Variants in TENM1 observed in about 807,000 individuals in gnomAD.
TENM1 encodes teneurin transmembrane protein 1, also known as teneurin-1.
A neutral mutation model predicts 174.8 loss-of-function variants in TENM1; 35 were observed. The observed-to-expected ratio is 0.20, with a 90% confidence interval of 0.15 to 0.27. The LOEUF (loss-of-function observed/expected upper bound fraction) is 0.27. TENM1 is among the 10% of genes least tolerant of loss of function. The pLI, the probability that TENM1 is intolerant of heterozygous loss-of-function variation, is 1.00. For missense variants in TENM1, 1,633 were observed against 2,130.1 expected (o/e 0.77, Z 4.59); for synonymous variants, 781 against 798.7 (o/e 0.98, Z 0.37).
At chrX:125,133,061 T>A in the TENM1 span, among the ~76,000 whole-genome samples, 4 of 111,181 alleles carry the variant, frequency 3.6e-5, no homozygotes, top group African/African-American at 1.3e-4. Flanking sequence ...TGGCATGATC[T>A]CTGCTCACTG....
chrX:124,448,090 TG>T (rs2060985133), intron 23 of TENM1, among the ~76,000 whole-genome samples: 1 of 111,883 alleles, frequency 8.9e-6, no homozygotes, highest in South Asian at 3.7e-4. Flanking sequence ...ACCATACACA[TG>T]TTCCCTCAAT....
chrX:125,182,557 T>C, the TENM1 span, among the ~76,000 whole-genome samples: 2 of 110,105 alleles, frequency 1.8e-5, no homozygotes, highest in South Asian at 7.9e-4. Context: ...TAGGTTTTGA[T>C]ATATGAATCT....
intron 15 of TENM1, among the ~76,000 whole-genome samples, chrX:124,535,651 C>T (rs929469213): frequency 5.4e-5 from 6 of 111,877 alleles, no homozygotes; most frequent in Non-Finnish European, 7.5e-5. Flanking sequence ...TTATCATAAC[C>T]GGTCTTGGAT....
chrX:124,502,962 G>C (rs2047366833), intron 19 of TENM1, among the ~76,000 whole-genome samples: 1 of 111,570 alleles, frequency 9.0e-6, no homozygotes, highest in Non-Finnish European at 1.9e-5. Context: ...AGATCGCCTC[G>C]CCTTAACCAC....
At chrX:125,000,887 G>C in the TENM1 span, among the ~76,000 whole-genome samples, 2 of 111,009 alleles carry the variant, frequency 1.8e-5, no homozygotes, top group African/African-American at 6.5e-5. Flanking sequence ...TGACTTCTCT[G>C]GAATACAATT....
chrX:125,109,699 C>T, the TENM1 span, among the ~76,000 whole-genome samples: 2 of 111,734 alleles, frequency 1.8e-5, no homozygotes, highest in Admixed American at 9.5e-5. Context: ...TATCAGCACC[C>T]CCACCATCAT....
chrX:124,846,020 C>T (rs777511717), intron 3 of TENM1, among the ~76,000 whole-genome samples: 57 of 110,377 alleles, frequency 5.2e-4, no homozygotes, highest in Middle Eastern at 4.6e-3. Flanking sequence ...TTTCAGGCTT[C>T]GTGGCAGTAG....
chrX:125,075,830 C>T, the TENM1 span, among the ~76,000 whole-genome samples: 1 of 111,119 alleles, frequency 9.0e-6, no homozygotes, highest in East Asian at 2.9e-4. Context: ...GCCACTAATC[C>T]TCAGAGTTCC....
chrX:124,736,895 A>C (rs1387529640), intron 4 of TENM1, 62 bp downstream of exon 7: 4 of 1,135,127 alleles, frequency 3.5e-6, no homozygotes, highest in Non-Finnish European at 4.7e-6. Context: ...GAGTTTCTGC[A>C]ATCAGTAGAA....
the TENM1 span, among the ~76,000 whole-genome samples, chrX:125,070,507 G>C: frequency 9.0e-6 from 1 of 111,322 alleles, no homozygotes; most frequent in African/African-American, 3.3e-5. Flanking sequence ...TTAAGCAGGA[G>C]AGTGATCTTG....
chrX:124,644,101 G>A (rs753263383), intron 10 of TENM1, among the ~76,000 whole-genome samples: 1 of 88,585 alleles, frequency 1.1e-5, no homozygotes, highest in Non-Finnish European at 2.2e-5. Flanking sequence ...ATATATATAT[G>A]TATATGGCAG....
At chrX:124,734,087 C>T (rs1350910047) in intron 4 of TENM1, among the ~76,000 whole-genome samples, 2 of 111,638 alleles carry the variant, frequency 1.8e-5, no homozygotes, top group Admixed American at 9.5e-5. Flanking sequence ...AGAAGATATA[C>T]ATTGTTCTTT....
rs1295225361 is a variant in TENM1 at position 124,818,042 on chromosome X, AT to A, written c.535+76253del. ...ATTTACTGAGGCAGGGCTGTCACTGATTTTTTTTTTTAATTGCAATTAAAAG... is the reference window on the plus strand; with the variant it reads ...ATTTACTGAGGCAGGGCTGTCACTGATTTTTTTTTTAATTGCAATTAAAAG... On this transcript the variant is annotated intron_variant, in intron 3 of 31. Transcript: ENST00000422452. Among the ~76,000 whole-genome samples, 503 of 106,355 alleles carry A rather than the reference AT, an allele frequency of 4.7e-3. 1 individual carries two copies. Among genetic ancestry groups the A allele is most frequent in the African/African-American group, 0.014 (423 of 29,587 alleles). The allele number at this position is 106,355 out of a possible 115,157, so 92.4% of individuals were successfully genotyped here. A position where few individuals can be genotyped will look rare whatever the true frequency, so the allele number is the denominator to read the frequency against.
intron 4 of TENM1, among the ~76,000 whole-genome samples, chrX:124,727,295 G>C: frequency 8.9e-6 from 1 of 112,153 alleles, no homozygotes; most frequent in Non-Finnish European, 1.9e-5. Flanking sequence ...TTGGTAAATA[G>C]ATCATGATTA....
At chrX:125,057,305 G>C in the TENM1 span, among the ~76,000 whole-genome samples, 1 of 110,128 alleles carries the variant, frequency 9.1e-6, no homozygotes, top group Admixed American at 9.8e-5. Flanking sequence ...GGGCAGGAGA[G>C]CTTTTATTTT....
chrX:124,804,628 T>C (rs2055544427), intron 3 of TENM1, among the ~76,000 whole-genome samples: 1 of 111,921 alleles, frequency 8.9e-6, no homozygotes, highest in African/African-American at 3.2e-5. Flanking sequence ...AAATTCTTCT[T>C]CCTAAATTTT....
At chrX:124,388,284 C>T (rs753139486) in intron 28 of TENM1, among the ~76,000 whole-genome samples, 3 of 111,360 alleles carry the variant, frequency 2.7e-5, no homozygotes, top group African/African-American at 9.8e-5. Context: ...CGTTGTTATT[C>T]TCTCCTCTGT....
exon 17 of TENM1, chrX:124,523,466 A>G (rs2047900515): frequency 8.3e-7 from 1 of 1,211,758 alleles, no homozygotes; most frequent in Non-Finnish European, 1.1e-6. Context: ...AGTTGGAGAT[A>G]TCGCAGGATG....
At chrX:124,740,617 A>G (rs906968216) in intron 3 of TENM1, among the ~76,000 whole-genome samples, 1 of 111,747 alleles carries the variant, frequency 8.9e-6, no homozygotes, top group Admixed American at 9.5e-5. Context: ...ACGCTTTCAC[A>G]ATATTGGATT....
Sources: gnomAD v4.1 joint callset for allele counts (sites outside exome capture counted in the v4.1 genomes callset) on GRCh38, gnomAD v4.1.1 for gene constraint, MANE v1.5 for transcripts, NCBI Gene and HGNC (gene_info 2026-07-23, HGNC 2026-07-21) for gene names.